The following S1PR3 variants were observed in gnomAD, a reference collection of about 807,000 sequenced individuals.
S1PR3 encodes the protein sphingosine 1-phosphate receptor 3.
Under a neutral mutation model 13.3 loss-of-function variants are expected in S1PR3, and 12 were observed. The observed-to-expected ratio is 0.90, with a 90% CI of 0.58 to 1.46. The LOEUF (loss-of-function observed/expected upper bound fraction) is 1.46, where lower values mean the gene tolerates loss of function less well. S1PR3 is among the 40% of genes most tolerant of loss of function. The probability of loss-of-function intolerance (pLI) is 0.00; values close to 1 mark genes in which losing one functional copy is unlikely to be tolerated. For missense variants in S1PR3, 450 were observed against 501.9 expected (o/e 0.90, Z 0.99); for synonymous variants, 232 against 214.0 (o/e 1.08, Z -0.73).
chr9:89,002,156 G>A lies in S1PR3; in HGVS notation c.956G>A (p.Arg319Lys), dbSNP rs908015450. 3.1e-6 allele frequency: 5 copies of A among 1,613,746 alleles called. No individual in the cohort carries two copies. The Admixed American group carries it at 5.0e-5, about 16-fold the overall frequency. Reference protein sequence around the residue: ...FFRLVCNCLVRGRGARASPIQ... With the variant: ...FFRLVCNCLVKGRGARASPIQ... ...CGTCTGGTCTGCAACTGCCTGGTCAGGGGACGGGGGGCCCGCGCCTCACCC... is the reference window on the plus strand; with the variant it reads ...CGTCTGGTCTGCAACTGCCTGGTCAAGGGACGGGGGGCCCGCGCCTCACCC... Residue 319 changes from arginine to lysine, a missense_variant, in exon 2 of 2, where the codon AGG (arginine) becomes AAG (lysine). Transcript: ENST00000358157.
At chr9:88,991,086 C>A (rs1158328712), upstream of S1PR3, 3 of 1,613,228 alleles carry the variant, frequency 1.9e-6, no homozygotes, top group Non-Finnish European at 2.5e-6. The surrounding 1 kb of genome is among the most constrained non-coding windows in gnomAD (Gnocchi z 4.0). Flanking sequence ...GCGACAGGCG[C>A]CCGCCCAAGC....
chr9:88,992,099 T>C (rs1454378494), intron 1 of S1PR3: 1 of 1,495,102 alleles, frequency 6.7e-7, no homozygotes, highest in Non-Finnish European at 9.1e-7. Flanking sequence ...GGAAAATTAG[T>C]TTTTTCCTAA....
Position 89,004,592 on chromosome 9 carries a change from C to T in S1PR3, c.*2255C>T, listed in dbSNP as rs938178835. On this transcript the variant is annotated 3_prime_UTR_variant, in exon 2 of 2. Transcript: ENST00000358157. ...CACTTTGCTCCATAACCCTGATGTC[C>T]GCAGTATCTAAGTATCTCAGCCTTC... 3.0e-5 allele frequency: 5 copies of T among 166,978 alleles called. No individual in the cohort carries two copies. The highest frequency in any genetic ancestry group is 7.3e-5 in the Non-Finnish European group (5 of 68,112). 10.3% of individuals were successfully genotyped at this position (166,978 alleles called of 1,614,324 possible).
intron 1 of S1PR3, chr9:88,992,920 C>T (rs1825742970): frequency 6.6e-6 from 1 of 152,600 alleles, no homozygotes; most frequent in Admixed American, 6.5e-5. Flanking sequence ...AGGCTTTTTT[C>T]ATTAGCAAAC....
chr9:88,991,732 TG>T lies in S1PR3; in HGVS notation c.-148+43del. The stretch of plus-strand genomic sequence containing the variant: ...GCCCGGGCGGGGCGCGGAACCAGGG[TG>T]GGGGGCTGGGGGCCGAAGGACCCAC... On this transcript the variant is annotated intron_variant, in intron 1 of 1. Transcript: ENST00000358157. This position sits in a 1 kb window ranked among gnomAD's most constrained non-coding sequence, Gnocchi z 4.0. The T allele has an allele frequency of 2.6e-6, 4 of 1,532,646 alleles. No homozygotes were observed. Among genetic ancestry groups the T allele is most frequent in the Non-Finnish European group, 3.5e-6 (4 of 1,138,742 alleles). The allele number at this position is 1,532,646 out of a possible 1,614,324, so 94.9% of individuals were successfully genotyped here. A position where few individuals can be genotyped will look rare whatever the true frequency, so the allele number is the denominator to read the frequency against.
chr9:89,001,079 G>A lies in S1PR3; in HGVS notation c.-122G>A. The A allele has an allele frequency of 8.9e-7, 1 of 1,129,404 alleles. No individual in the cohort carries two copies. The highest frequency in any genetic ancestry group is 1.3e-6 in the Non-Finnish European group (1 of 790,492). 70.0% of individuals were successfully genotyped at this position (1,129,404 alleles called of 1,614,324 possible). ...GAGCCCTTTTTCAACGCCCTCGCTGGAGTCTGGCCTGCACGCCTTGCTGAA... is the reference window on the plus strand; with the variant it reads ...GAGCCCTTTTTCAACGCCCTCGCTGAAGTCTGGCCTGCACGCCTTGCTGAA... On this transcript the variant is annotated 5_prime_UTR_variant, in exon 2 of 2. It introduces an in-frame stop codon into an upstream open reading frame of the 5' UTR. Transcript: ENST00000358157.
rs1352114539 is a variant in S1PR3, at chr9:89,001,568, G to T, written c.368G>T (p.Gly123Val). 1 of 1,614,084 alleles carries T rather than the reference G, an allele frequency of 6.2e-7. No individual in the cohort carries two copies. The highest frequency in any genetic ancestry group is 1.3e-5 in the African/African-American group (1 of 74,924). The change falls in exon 2 of 2, where the codon GGG becomes GTG. Residue 123 changes from glycine to valine, a missense_variant. Coordinates refer to ENST00000358157, the MANE Select transcript of S1PR3 (RefSeq NM_005226.4). ...GAGGGCAGTATGTTCGTGGCCCTTG[G>T]GGCGTCCACCTGCAGCTTACTGGCC... ...LREGSMFVALGASTCSLLAIA... is the reference protein window; with the variant it reads ...LREGSMFVALVASTCSLLAIA...
Position 89,001,621 on chromosome 9 carries a change from A to G in S1PR3, c.421A>G (p.Ile141Val), listed in dbSNP as rs1825868485. Residue 141 changes from isoleucine (I) to valine (V), a missense_variant, in exon 2 of 2, where the codon ATC becomes GTC. Ile to Val is a conservative substitution (Grantham distance 29). Coordinates refer to ENST00000358157, the MANE Select transcript of S1PR3 (RefSeq NM_005226.4). The part of the protein sequence containing the change: ...AIAIERHLTM[I>V]KMRPYDANKR... Reference sequence around the variant, plus strand: ...CGCCATCGAGCGGCACTTGACAATGATCAAAATGAGGCCTTACGACGCCAA... The same window carrying G: ...CGCCATCGAGCGGCACTTGACAATGGTCAAAATGAGGCCTTACGACGCCAA... 1.2e-6 allele frequency: 2 copies of G among 1,614,082 alleles called. No individual in the cohort carries two copies. Among genetic ancestry groups the G allele is most frequent in the Non-Finnish European group, 1.7e-6 (2 of 1,180,050 alleles).
Position 89,001,109 on chromosome 9 carries a change from G to A in S1PR3, c.-92G>A. On this transcript the variant is annotated 5_prime_UTR_variant, in exon 2 of 2. Coordinates refer to ENST00000358157, the MANE Select transcript of S1PR3 (RefSeq NM_005226.4). ...TGGCCTGCACGCCTTGCTGAATGAA[G>A]CCGGAACCTCAGCCCCGCTTCCCTT... The A allele has an allele frequency of 6.8e-7, 1 of 1,464,516 alleles. No individual in the cohort carries two copies. Among genetic ancestry groups the A allele is most frequent in the Non-Finnish European group, 9.3e-7 (1 of 1,075,342 alleles). The allele number at this position is 1,464,516 out of a possible 1,614,324, so 90.7% of individuals were successfully genotyped here.
In S1PR3 at chr9:89,002,338, T is replaced by C. The variant is rs974092105; in HGVS notation, c.*1T>C. On this transcript the variant is annotated 3_prime_UTR_variant, in exon 2 of 2. Coordinates refer to ENST00000358157, the MANE Select transcript of S1PR3 (RefSeq NM_005226.4). Reference sequence around the variant, plus strand: ...TCAGAATGGGATCTTCTGCAACTGATCGTCTCCATGCGCCCTGCTCTGCGG... The same window carrying C: ...TCAGAATGGGATCTTCTGCAACTGACCGTCTCCATGCGCCCTGCTCTGCGG... 1 of 1,613,648 alleles carries C rather than the reference T, an allele frequency of 6.2e-7. No individual in the cohort carries two copies. Among genetic ancestry groups the C allele is most frequent in the Non-Finnish European group, 8.5e-7 (1 of 1,179,648 alleles).
Position 89,005,054 on chromosome 9 carries a change from G to A in S1PR3, c.*2717G>A, listed in dbSNP as rs1245550907. ...ATGGGATTGTTTTATCGTTTTCACC[G>A]GGTGCCCTCCCCACTGCAGGGGTGC... is the stretch of plus-strand genomic sequence containing the variant. On this transcript the variant is annotated 3_prime_UTR_variant, in exon 2 of 2. Coordinates refer to ENST00000358157, the MANE Select transcript of S1PR3 (RefSeq NM_005226.4). The A allele has an allele frequency of 2.4e-5, 4 of 164,640 alleles. No homozygotes were observed. Among genetic ancestry groups the A allele is most frequent in the Non-Finnish European group, 2.9e-5 (2 of 68,088 alleles). The allele number at this position is 164,640 out of a possible 1,614,324, so 10.2% of individuals were successfully genotyped here. A position where few individuals can be genotyped will look rare whatever the true frequency, so the allele number is the denominator to read the frequency against.
Position 89,001,933 on chromosome 9 carries a change from G to A in S1PR3, c.733G>A (p.Val245Met), listed in dbSNP as rs755481933. The A allele has an allele frequency of 7.4e-6, 12 of 1,614,084 alleles. No homozygotes were observed. The highest frequency in any genetic ancestry group is 6.7e-5 in the East Asian group (3 of 44,880). Residue 245 changes from valine (V) to methionine (M), a missense_variant, in exon 2 of 2, where the codon GTG (valine) becomes ATG (methionine). Val to Met is a conservative substitution (Grantham distance 21). Coordinates refer to ENST00000358157, the MANE Select transcript of S1PR3 (RefSeq NM_005226.4). ...GCGGTCCATGGCACTGCTGCGGACC[G>A]TGGTGATTGTGGTGAGCGTGTTCAT... is the stretch of plus-strand genomic sequence containing the variant. ...SERSMALLRT[V>M]VIVVSVFIAC...
Position 89,003,471 on chromosome 9 carries a change from T to G in S1PR3, c.*1134T>G, listed in dbSNP as rs890896200. On this transcript the variant is annotated 3_prime_UTR_variant, in exon 2 of 2. Transcript: ENST00000358157. ...TTAGAAAATGTGATCTGGCAGTTTA[T>G]GCATTCTTCAGAGTAATGTAATAAT... 7.2e-5 allele frequency: 12 copies of G among 167,120 alleles called. No individual in the cohort carries two copies. Among genetic ancestry groups the G allele is most frequent in the African/African-American group, 2.9e-4 (12 of 41,462 alleles). 10.4% of individuals were successfully genotyped at this position (167,120 alleles called of 1,614,324 possible).
chr9:89,001,751 A>T lies in S1PR3; in HGVS notation c.551A>T (p.Asp184Val). ...LGWNCLHNLP[D>V]CSTILPLYSK... ...TGGAACTGCCTGCACAATCTCCCTG[A>T]CTGCTCTACCATCCTGCCCCTCTAC... Residue 184 changes from aspartate (D) to valine (V), a missense_variant, in exon 2 of 2, where the codon GAC becomes GTC. Transcript: ENST00000358157. The T allele has an allele frequency of 6.2e-7, 1 of 1,614,144 alleles. No homozygotes were observed. Among genetic ancestry groups the T allele is most frequent in the Non-Finnish European group, 8.5e-7 (1 of 1,180,030 alleles).
In S1PR3 at chr9:89,001,870, TCCA is replaced by T; in HGVS notation, c.671_673del (p.Ser224_Ser225delinsCys). Reference sequence around the variant, plus strand: ...CGCACGCATCTACTTCCTGGTGAAGTCCAGCAGCCGTAAGGTGGCCAACCACAA... The same window carrying T: ...CGCACGCATCTACTTCCTGGTGAAGTGCAGCCGTAAGGTGGCCAACCACAA... On this transcript the variant is annotated inframe_deletion, in exon 2 of 2. Coordinates refer to ENST00000358157, the MANE Select transcript of S1PR3 (RefSeq NM_005226.4). 1 of 1,614,204 alleles carries T rather than the reference TCCA, an allele frequency of 6.2e-7. No individual in the cohort carries two copies. Among genetic ancestry groups the T allele is most frequent in the Non-Finnish European group, 8.5e-7 (1 of 1,180,038 alleles).
intron 1 of S1PR3, chr9:88,999,278 A>C (rs545365172): frequency 6.6e-6 from 1 of 152,478 alleles, no homozygotes; most frequent in South Asian, 2.1e-4. Context: ...AGAGCAACCA[A>C]CACCACCAAG....
At position 88,991,691 on chromosome 9, in the gene S1PR3, C is replaced by A; in HGVS notation, c.-152C>A. ...CGGTGGCCCCAGCGCCCTCAGCCGA[C>A]GGAGGTGAGAGGCGGGCCCGGGCGG... On this transcript the variant is annotated 5_prime_UTR_variant, in exon 1 of 2. Transcript: ENST00000358157. The surrounding 1 kb of genome is among the most constrained non-coding windows in gnomAD (Gnocchi z 4.0). 1 of 1,521,778 alleles carries A rather than the reference C, an allele frequency of 6.6e-7. No homozygotes were observed. Among genetic ancestry groups the A allele is most frequent in the Non-Finnish European group, 8.8e-7 (1 of 1,135,192 alleles). 94.3% of individuals were successfully genotyped at this position (1,521,778 alleles called of 1,614,324 possible).
At chr9:88,992,995 A>C (rs1404271161) in intron 1 of S1PR3, 1 of 152,620 alleles carries the variant, frequency 6.6e-6, no homozygotes, top group Admixed American at 6.5e-5. Context: ...ATACAAACTG[A>C]AGCTAGCCCT....
rs1825885394 is a variant in S1PR3, at chr9:89,002,632, G to C, written c.*295G>C. ...CTCCCTGTTGTTCACAGAGAGGGAA[G>C]GTCGTGGGCCACACAATGCTGTGTG... On this transcript the variant is annotated 3_prime_UTR_variant, in exon 2 of 2. Transcript: ENST00000358157. 2.1e-6 allele frequency: 1 copy of C among 473,584 alleles called. No individual in the cohort carries two copies. The highest frequency in any genetic ancestry group is 4.0e-6 in the Non-Finnish European group (1 of 252,736). The allele number at this position is 473,584 out of a possible 1,614,324, so 29.3% of individuals were successfully genotyped here.
Sources: allele counts gnomAD v4.1 joint callset, GRCh38; gene constraint gnomAD v4.1.1; non-coding constraint Gnocchi (gnomAD v3.1); transcripts MANE v1.5; gene names NCBI Gene and HGNC (gene_info 2026-07-23, HGNC 2026-07-21).